The following SNTB1 variants were observed in gnomAD, a reference collection of about 807,000 sequenced individuals.
SNTB1 encodes the protein syntrophin beta 1.
In SNTB1, 36 loss-of-function variants were observed where a neutral mutation model predicts 48.9. That is an observed-to-expected ratio of 0.74 (90% CI 0.56 to 0.97). The LOEUF is 0.97. Among genes scored for constraint, SNTB1 ranks in the 50% least tolerant of loss-of-function variants. SNTB1 has a pLI of 0.00. For missense variants in SNTB1, 786 were observed against 703.4 expected, an observed-to-expected ratio of 1.12 and a Z score of -1.33; for synonymous variants, 299 against 294.6, an observed-to-expected ratio of 1.01 and a Z score of -0.15.
At chr8:120,634,753 C>T (rs1004830839) in intron 2 of SNTB1, among the ~76,000 whole-genome samples, 1 of 152,102 alleles carries the variant, frequency 6.6e-6, no homozygotes, top group South Asian at 2.1e-4. Context: ...CAAACTTTTA[C>T]AGTGACTAAA....
intron 2 of SNTB1, among the ~76,000 whole-genome samples, chr8:120,634,188 A>G (rs1443927674): frequency 2.0e-5 from 3 of 152,230 alleles, no homozygotes; most frequent in Admixed American, 1.3e-4. Context: ...ATATGCAATA[A>G]ATATCATTTA....
At chr8:120,738,039 T>C (rs955720319) in intron 1 of SNTB1, among the ~76,000 whole-genome samples, 3 of 152,122 alleles carry the variant, frequency 2.0e-5, no homozygotes, top group Non-Finnish European at 2.9e-5. Context: ...GTGATAGCAG[T>C]AGGAGATGGG....
chr8:120,682,190 A>T (rs929194446), intron 2 of SNTB1, among the ~76,000 whole-genome samples: 1 of 152,200 alleles, frequency 6.6e-6, no homozygotes, highest in Non-Finnish European at 1.5e-5. Context: ...ACATGTGAAG[A>T]GAGATAACAA....
At chr8:120,583,282 A>T (rs950889438) in intron 3 of SNTB1, among the ~76,000 whole-genome samples, 1 of 151,936 alleles carries the variant, frequency 6.6e-6, no homozygotes, top group Non-Finnish European at 1.5e-5. Flanking sequence ...GGTCGGGGGG[A>T]TCACCTGAGG....
At chr8:120,674,410 T>C (rs972432806) in intron 2 of SNTB1, among the ~76,000 whole-genome samples, 1 of 152,178 alleles carries the variant, frequency 6.6e-6, no homozygotes, top group Non-Finnish European at 1.5e-5. Context: ...GCTTTACTCA[T>C]GGAGCTGGTG....
intron 2 of SNTB1, among the ~76,000 whole-genome samples, chr8:120,653,844 C>G (rs1348425802): frequency 1.3e-5 from 2 of 151,594 alleles, no homozygotes; most frequent in Non-Finnish European, 2.9e-5. Flanking sequence ...TCGAGACCAT[C>G]CTGGCTAACA....
Position 120,802,555 on chromosome 8 carries a change from A to G in SNTB1, c.571+8718T>C, listed in dbSNP as rs72682561. On this transcript the variant is annotated intron_variant, in intron 1 of 6. Coordinates refer to ENST00000517992, the MANE Select transcript of SNTB1 (RefSeq NM_021021.4). ...ATCATAACTCTCACCTCACAAAGCA[A>G]ACAACCTCGCCTTGGTCATTCGTTA... Among the ~76,000 whole-genome samples the G allele has an allele frequency of 8.6e-3, 1,315 of 152,232 alleles. 12 individuals are homozygous for G. Among genetic ancestry groups the G allele is most frequent in the Middle Eastern group, 0.044 (13 of 294 alleles).
At chr8:120,723,292 CAT>C (rs1423531221) in intron 1 of SNTB1, among the ~76,000 whole-genome samples, 1 of 152,132 alleles carries the variant, frequency 6.6e-6, no homozygotes, top group Non-Finnish European at 1.5e-5. Context: ...CTGTATATGA[CAT>C]ATTATATATA....
chr8:120,690,319 G>C (rs949412971), intron 2 of SNTB1, among the ~76,000 whole-genome samples: 3 of 152,064 alleles, frequency 2.0e-5, no homozygotes. Flanking sequence ...TATGAATAAG[G>C]GGGGATTACT....
At chr8:120,756,558 G>T (rs1038078568) in intron 1 of SNTB1, among the ~76,000 whole-genome samples, 1 of 152,112 alleles carries the variant, frequency 6.6e-6, no homozygotes, top group Non-Finnish European at 1.5e-5. Context: ...AAAATTTGGG[G>T]AACCTCAAAT....
At chr8:120,644,556 CT>C (rs1817251386) in intron 2 of SNTB1, among the ~76,000 whole-genome samples, 1 of 152,076 alleles carries the variant, frequency 6.6e-6, no homozygotes, top group Non-Finnish European at 1.5e-5. Flanking sequence ...TTAACCCAGT[CT>C]ATCATTGTTG....
chr8:120,623,865 A>T (rs560741557), intron 3 of SNTB1, among the ~76,000 whole-genome samples: 1 of 152,348 alleles, frequency 6.6e-6, no homozygotes, highest in African/African-American at 2.4e-5. Flanking sequence ...GGTTCAACAG[A>T]GTCTGCTAGC....
chr8:120,577,204 C>A (rs1291956927), intron 3 of SNTB1, among the ~76,000 whole-genome samples: 1 of 152,172 alleles, frequency 6.6e-6, no homozygotes, highest in Admixed American at 6.5e-5. Flanking sequence ...ATTTTAATGC[C>A]TCCCTTCCAG....
At chr8:120,746,697 G>T (rs932721465) in intron 1 of SNTB1, among the ~76,000 whole-genome samples, 5 of 152,164 alleles carry the variant, frequency 3.3e-5, no homozygotes, top group African/African-American at 1.2e-4. Flanking sequence ...ATATCAAGAT[G>T]AATAGACAGG....
intron 3 of SNTB1, among the ~76,000 whole-genome samples, chr8:120,583,549 ACACACACAC>A (rs1816083683): frequency 6.6e-6 from 1 of 151,558 alleles, no homozygotes; most frequent in Admixed American, 6.6e-5. Context: ...ACACACACAC[ACACACACAC>A]ACAAAACTGG....
intron 3 of SNTB1, among the ~76,000 whole-genome samples, chr8:120,600,270 C>T (rs1816401520): frequency 6.6e-6 from 1 of 152,244 alleles, no homozygotes; most frequent in Non-Finnish European, 1.5e-5. Context: ...CACTGCGCCC[C>T]TGGGATCCAG....
At chr8:120,746,589 C>T (rs890506596) in intron 1 of SNTB1, among the ~76,000 whole-genome samples, 3 of 152,160 alleles carry the variant, frequency 2.0e-5, no homozygotes, top group African/African-American at 7.2e-5. Context: ...AATTTACCTA[C>T]CCCAGCTTTA....
chr8:120,589,394 G>A, intron 3 of SNTB1, among the ~76,000 whole-genome samples: 1 of 152,244 alleles, frequency 6.6e-6, no homozygotes, highest in East Asian at 1.9e-4. Context: ...TTCACTCACA[G>A]TAATTTTTCC....
chr8:120,591,601 G>T (rs1017551857), intron 3 of SNTB1, among the ~76,000 whole-genome samples: 2 of 152,310 alleles, frequency 1.3e-5, no homozygotes, highest in South Asian at 2.1e-4. Flanking sequence ...ATGTACTGCA[G>T]CTGGTATCAA....
Sources: gnomAD v4.1 joint callset for allele counts (sites outside exome capture counted in the v4.1 genomes callset) on GRCh38, gnomAD v4.1.1 for gene constraint, MANE v1.5 for transcripts, NCBI Gene and HGNC (gene_info 2026-07-23, HGNC 2026-07-21) for gene names.